CDH4: variants seen among roughly 807,000 people sequenced by gnomAD.
CDH4 encodes cadherin-4.
In CDH4, 33 loss-of-function variants were observed where a neutral mutation model predicts 86.0. The ratio of observed to expected loss-of-function variants is 0.38; its 90% CI spans 0.29 to 0.51. The LOEUF (loss-of-function observed/expected upper bound fraction) is 0.51. Among genes scored for constraint, CDH4 ranks in the 20% least tolerant of loss-of-function variants. The probability of loss-of-function intolerance (pLI) is 0.86; values close to 1 mark genes in which losing one functional copy is unlikely to be tolerated. For missense variants in CDH4, 1,114 were observed against 1,307.4 expected, an observed-to-expected ratio of 0.85 and a Z score of 2.28; for synonymous variants, 555 against 549.4, an observed-to-expected ratio of 1.01 and a Z score of -0.14.
intron 6 of CDH4, among the ~76,000 whole-genome samples, chr20:61,869,555 C>CA (rs1983706682): frequency 6.6e-6 from 1 of 152,188 alleles, no homozygotes; most frequent in Non-Finnish European, 1.5e-5. Context: ...CCCCATCTGT[C>CA]AAAAAAGGAG....
chr20:61,578,904 G>A (rs995086706), intron 2 of CDH4, among the ~76,000 whole-genome samples: 6 of 152,156 alleles, frequency 3.9e-5, no homozygotes, highest in African/African-American at 1.4e-4. Context: ...CCCATCCAAG[G>A]GAAGAGAGGG....
At chr20:61,707,275 C>T (rs1379323802) in intron 2 of CDH4, among the ~76,000 whole-genome samples, 3 of 152,260 alleles carry the variant, frequency 2.0e-5, no homozygotes, top group Non-Finnish European at 4.4e-5. Flanking sequence ...CATGGAGGCC[C>T]TCTGTCCACA....
At chr20:61,365,926 C>A (rs1320298681) in intron 2 of CDH4, among the ~76,000 whole-genome samples, 1 of 152,126 alleles carries the variant, frequency 6.6e-6, no homozygotes, top group Non-Finnish European at 1.5e-5. Context: ...GTTGAGAATG[C>A]CCTTTCTAAA....
chr20:61,719,018 T>C (rs1304988216), intron 2 of CDH4: 6 of 471,032 alleles, frequency 1.3e-5, no homozygotes, highest in Non-Finnish European at 2.2e-5. Context: ...CACGAGTGGC[T>C]CTAAGTGTGA....
intron 2 of CDH4, among the ~76,000 whole-genome samples, chr20:61,285,878 G>T (rs1272054475): frequency 6.6e-6 from 1 of 152,252 alleles, no homozygotes; most frequent in Non-Finnish European, 1.5e-5. Flanking sequence ...GGGGGCTGGG[G>T]ATGGCCGTGG....
intron 9 of CDH4, 51 bp downstream of exon 9, chr20:61,910,658 A>G (rs928873449): frequency 6.6e-7 from 1 of 1,512,104 alleles, no homozygotes; most frequent in Non-Finnish European, 9.2e-7. Context: ...TGCCACCTGC[A>G]CACTCCCTAG....
At chr20:61,624,039 G>A (rs76488871) in intron 2 of CDH4, among the ~76,000 whole-genome samples, 2,499 of 152,196 alleles carry the variant, frequency 0.016, 30 homozygotes, top group Middle Eastern at 0.024. Context: ...ACGTTTTCTC[G>A]CTCCCTGTCT....
At chr20:61,281,151 G>A (rs2084256525) in intron 2 of CDH4, among the ~76,000 whole-genome samples, 1 of 152,222 alleles carries the variant, frequency 6.6e-6, no homozygotes, top group African/African-American at 2.4e-5. Context: ...GCTTGGCTCT[G>A]TCATGGGCTT....
In CDH4 at chr20:61,879,597, C is replaced by T. The variant is rs1340616639; in HGVS notation, c.1050+5697C>T. On this transcript the variant is annotated intron_variant, in intron 7 of 15. Transcript: ENST00000614565. The surrounding 1 kb of genome is among the most constrained non-coding windows in gnomAD (Gnocchi z 4.1). ...ATGTCAGGAGAGGCTTCGATAAGACCTGAGCGGTTCAAGTGTCTCTCGTGT... is the reference window on the plus strand; with the variant it reads ...ATGTCAGGAGAGGCTTCGATAAGACTTGAGCGGTTCAAGTGTCTCTCGTGT... Among the ~76,000 whole-genome samples the T allele has an allele frequency of 6.6e-6, 1 of 152,170 alleles. No homozygotes were observed. Among genetic ancestry groups the T allele is most frequent in the African/African-American group, 2.4e-5 (1 of 41,442 alleles).
intron 4 of CDH4, among the ~76,000 whole-genome samples, chr20:61,838,637 T>C (rs1014734150): frequency 2.0e-5 from 3 of 151,828 alleles, no homozygotes; most frequent in African/African-American, 4.8e-5. Flanking sequence ...TGAAACCCCG[T>C]CTCTCCTAAA....
At chr20:61,871,133 G>T (rs1983788155) in intron 6 of CDH4, among the ~76,000 whole-genome samples, 1 of 152,022 alleles carries the variant, frequency 6.6e-6, no homozygotes, top group African/African-American at 2.4e-5. Flanking sequence ...GTGCCCTCTA[G>T]AATCATTTTC....
intron 2 of CDH4, among the ~76,000 whole-genome samples, chr20:61,368,420 G>C (rs569650091): frequency 6.6e-6 from 1 of 152,180 alleles, no homozygotes; most frequent in Admixed American, 6.5e-5. Flanking sequence ...GAAAGGCACC[G>C]TCTGTGAACC....
In CDH4 at chr20:61,510,525, A is replaced by C. The variant is rs1185264761; in HGVS notation, c.170-233038A>C. Among the ~76,000 whole-genome samples, 1 of 152,178 alleles carries C rather than the reference A, an allele frequency of 6.6e-6. No individual in the cohort carries two copies. The highest frequency in any genetic ancestry group is 6.5e-5 in the Admixed American group (1 of 15,278). On this transcript the variant is annotated intron_variant, in intron 2 of 15. Coordinates refer to ENST00000614565, the MANE Select transcript of CDH4 (RefSeq NM_001794.5). This position sits in a 1 kb window ranked among gnomAD's most constrained non-coding sequence, Gnocchi z 4.2. ...GAGAGATTCGTTCCACATAAAATGC[A>C]ACCACTGTCTACTGCCCCAGGAATG...
intron 2 of CDH4, among the ~76,000 whole-genome samples, chr20:61,257,908 C>T (rs943103471): frequency 3.3e-5 from 5 of 152,154 alleles, no homozygotes; most frequent in Non-Finnish European, 7.3e-5. Context: ...CGAGGGCTCC[C>T]GGGTCGTATC....
chr20:61,351,819 C>T (rs1462640069), intron 2 of CDH4, among the ~76,000 whole-genome samples: 1 of 151,974 alleles, frequency 6.6e-6, no homozygotes, highest in African/African-American at 2.4e-5. Flanking sequence ...CAGGTTCAAG[C>T]GATTCTGCAG....
intron 2 of CDH4, among the ~76,000 whole-genome samples, chr20:61,479,386 A>G (rs73611527): frequency 0.012 from 1,836 of 148,556 alleles, 7 homozygotes; most frequent in African/African-American, 0.022. Context: ...GGTGTGTGAT[A>G]TTCCCCTTCC....
At chr20:61,731,457 G>A (rs145405643) in intron 2 of CDH4, among the ~76,000 whole-genome samples, 79 of 152,232 alleles carry the variant, frequency 5.2e-4, no homozygotes, top group Non-Finnish European at 8.4e-4. Flanking sequence ...AGTGCACGCC[G>A]TCCCATCACT....
intron 2 of CDH4, among the ~76,000 whole-genome samples, chr20:61,610,541 A>G (rs2427181): frequency 0.99 from 150,209 of 152,236 alleles, 74,111 homozygotes; most frequent in East Asian, 1. Context: ...TGGGTCATAG[A>G]GCAGTTCCAT....
intron 9 of CDH4, among the ~76,000 whole-genome samples, chr20:61,916,507 T>A (rs898106536): frequency 6.6e-6 from 1 of 152,260 alleles, no homozygotes; most frequent in Non-Finnish European, 1.5e-5. Context: ...TTAGCTGCTG[T>A]CGTCATCATA....
Sources: allele counts gnomAD v4.1 joint callset (sites outside exome capture counted in the v4.1 genomes callset), GRCh38; gene constraint gnomAD v4.1.1; non-coding constraint Gnocchi (gnomAD v3.1); transcripts MANE v1.5; gene names NCBI Gene and HGNC (gene_info 2026-07-23, HGNC 2026-07-21).